NLRP5: variants seen among roughly 807,000 people sequenced by gnomAD.
NLRP5 encodes the protein NACHT, LRR and PYD domains-containing protein 5.
Under a neutral mutation model 113.1 loss-of-function variants are expected in NLRP5, and 93 were observed. That is an observed-to-expected ratio of 0.82 (90% confidence interval 0.70 to 0.98). The LOEUF is 0.98. Among genes scored for constraint, NLRP5 ranks in the 50% least tolerant of loss-of-function variants. NLRP5 has a pLI of 0.00. For synonymous variants in NLRP5, 751 were observed against 600.7 expected, an observed-to-expected ratio of 1.25 and a Z score of -3.66; for missense variants, 1,808 against 1,514.3, an observed-to-expected ratio of 1.19 and a Z score of -3.22.
At chr19:56,024,584 T>TACATACACACACACAC (rs1555766951) in intron 6 of NLRP5, among the ~76,000 whole-genome samples, 1 of 147,242 alleles carries the variant, frequency 6.8e-6, no homozygotes, top group African/African-American at 2.5e-5. Context: ...TATATATACA[T>TACATACACACACACAC]ACACACACAC....
upstream of NLRP5, among the ~76,000 whole-genome samples, chr19:55,996,998 T>C (rs1431199077): frequency 6.7e-6 from 1 of 149,150 alleles, no homozygotes; most frequent in African/African-American, 2.5e-5. Context: ...CTAGCACCTG[T>C]TGTTTCCTGA....
intron 3 of NLRP5, among the ~76,000 whole-genome samples, chr19:56,013,955 GA>G (rs1370782205): frequency 6.6e-6 from 1 of 152,042 alleles, no homozygotes; most frequent in African/African-American, 2.4e-5. Context: ...TGTCTTTAGA[GA>G]AATGTATATT....
chr19:55,996,947 C>T (rs1389569413), upstream of NLRP5, among the ~76,000 whole-genome samples: 2 of 152,168 alleles, frequency 1.3e-5, no homozygotes, highest in Non-Finnish European at 2.9e-5. Context: ...TTTACAGTCC[C>T]ACCAACAGCG....
Position 56,032,792 on chromosome 19 carries a change from C to T in NLRP5, c.2447+11C>T. Reference sequence around the variant, plus strand: ...GATACAGACCCTGATGTAAGGCTGCCCGCCCCCTACGAGAGAATCCCTTCC... The same window carrying T: ...GATACAGACCCTGATGTAAGGCTGCTCGCCCCCTACGAGAGAATCCCTTCC... On this transcript the variant is annotated intron_variant, in intron 8 of 14. Transcript: ENST00000390649. 2 of 1,596,332 alleles carry T rather than the reference C, an allele frequency of 1.3e-6. No individual in the cohort carries two copies. The highest frequency in any genetic ancestry group is 2.2e-5 in the East Asian group (1 of 44,478).
intron 3 of NLRP5, among the ~76,000 whole-genome samples, chr19:56,010,626 G>A (rs1982145383): frequency 6.6e-6 from 1 of 151,052 alleles, no homozygotes; most frequent in African/African-American, 2.4e-5. Context: ...GGTGGCATGT[G>A]CCCGTAATCC....
chr19:56,020,224 C>G, intron 5 of NLRP5, 151 bp from the exon 6 acceptor site: 1 of 802,766 alleles, frequency 1.2e-6, no homozygotes, highest in Non-Finnish European at 2.0e-6. Flanking sequence ...CTCATTGTAC[C>G]AGTGCACTCT....
At chr19:56,024,629 G>C (rs1483549592) in intron 6 of NLRP5, among the ~76,000 whole-genome samples, 1 of 150,440 alleles carries the variant, frequency 6.6e-6, no homozygotes, top group African/African-American at 2.5e-5. Context: ...ATGGTGGCAG[G>C]CACCTGTAAT....
chr19:56,014,560 C>G (rs1982333664), intron 3 of NLRP5, among the ~76,000 whole-genome samples: 1 of 151,830 alleles, frequency 6.6e-6, no homozygotes, highest in Non-Finnish European at 1.5e-5. Context: ...GTAGTTACAG[C>G]TCTTAAAAAC....
intron 1 of NLRP5, among the ~76,000 whole-genome samples, chr19:56,000,194 A>G (rs57671389): frequency 6.6e-6 from 1 of 151,976 alleles, no homozygotes; most frequent in Admixed American, 6.6e-5. Context: ...GCTCTTCTCA[A>G]TGACAGTTGT....
intron 2 of NLRP5, among the ~76,000 whole-genome samples, chr19:56,006,854 T>C (rs55649117): frequency 4.6e-5 from 7 of 151,776 alleles, no homozygotes; most frequent in South Asian, 2.1e-4. Flanking sequence ...ATTCTCCTGC[T>C]TCAGCCTCCT....
intron 1 of NLRP5, among the ~76,000 whole-genome samples, chr19:56,003,193 C>T (rs949454499): frequency 2.6e-5 from 4 of 152,100 alleles, no homozygotes. Context: ...TCACTCTTGT[C>T]CAGGCTGGAG....
intron 7 of NLRP5, among the ~76,000 whole-genome samples, chr19:56,031,623 T>C (rs1330698197): frequency 9.8e-6 from 1 of 101,946 alleles, no homozygotes; most frequent in Non-Finnish European, 1.9e-5. Flanking sequence ...AGAGACTCCG[T>C]CTCCAAAAAA....
intron 2 of NLRP5, among the ~76,000 whole-genome samples, chr19:56,006,898 C>G (rs1981938499): frequency 6.6e-6 from 1 of 151,552 alleles, no homozygotes; most frequent in East Asian, 2.0e-4. Context: ...CGCCAGCACT[C>G]CTGGCTAATT....
chr19:55,988,440 G>GTATATATATATATATATATATATATA, the NLRP5 span: 1 of 100,560 alleles, frequency 9.9e-6, no homozygotes, highest in Middle Eastern at 4.2e-3. Context: ...ATATATGTGT[G>GTATATATATATATATATATATATATA]TGTGTATATA....
intron 13 of NLRP5, among the ~76,000 whole-genome samples, chr19:56,055,753 GC>G (rs541189470): frequency 0.013 from 1,958 of 151,606 alleles, 46 homozygotes; most frequent in African/African-American, 0.045. Context: ...CACCGTGTTA[GC>G]CAGGATGGTC....
At chr19:56,007,904 CGTGTGTGTGT>C (rs57588214) in intron 2 of NLRP5, among the ~76,000 whole-genome samples, 8,212 of 109,928 alleles carry the variant, frequency 0.075, 522 homozygotes, top group Admixed American at 0.11. Flanking sequence ...TGCGCGCGTG[CGTGTGTGTGT>C]GTGTGTGTGT....
At chr19:56,014,397 T>C (rs1023057838) in intron 3 of NLRP5, among the ~76,000 whole-genome samples, 1 of 151,684 alleles carries the variant, frequency 6.6e-6, no homozygotes, top group African/African-American at 2.4e-5. Context: ...GGGGAATCGC[T>C]TGAACCCAGG....
intron 9 of NLRP5, among the ~76,000 whole-genome samples, chr19:56,036,058 CTTTTTTTT>C (rs34956178): frequency 3.9e-5 from 3 of 77,018 alleles, no homozygotes; most frequent in African/African-American, 1.7e-4. Flanking sequence ...AATTGAGATT[CTTTTTTTT>C]TTTTTTTTTT....
chr19:56,024,799 G>T (rs918431359), intron 6 of NLRP5, among the ~76,000 whole-genome samples: 1 of 151,902 alleles, frequency 6.6e-6, no homozygotes, highest in Non-Finnish European at 1.5e-5. Context: ...CTGAACAGCA[G>T]CTTGTATCAA....
Sources: allele counts gnomAD v4.1 joint callset (sites outside exome capture counted in the v4.1 genomes callset), GRCh38; gene constraint gnomAD v4.1.1; transcripts MANE v1.5; gene names NCBI Gene and HGNC (gene_info 2026-07-23, HGNC 2026-07-21).